MMP26: variants seen among roughly 807,000 people sequenced by gnomAD.
The protein encoded by MMP26 is matrix metallopeptidase 26.
MMP26 carries 33 observed loss-of-function variants against 31.0 expected under a neutral mutation model. The ratio of observed to expected loss-of-function variants is 1.06; its 90% CI spans 0.81 to 1.42. MMP26 has a LOEUF of 1.42. MMP26 is among the 40% of genes most tolerant of loss of function. The probability of loss-of-function intolerance (pLI) is 0.00; values close to 1 mark genes in which losing one functional copy is unlikely to be tolerated. For missense variants in MMP26, 347 were observed against 316.1 expected (o/e 1.10, Z -0.74); for synonymous variants, 122 against 114.9 (o/e 1.06, Z -0.40).
At chr11:4,882,106 A>C in intron 2 of MMP26, 1 of 1,613,932 alleles carries the variant, frequency 6.2e-7, no homozygotes, top group Non-Finnish European at 8.5e-7. Flanking sequence ...CCATGCTGGC[A>C]GCTGTTGATC....
chr11:4,944,881 A>G (rs1846270759), intron 2 of MMP26: 1 of 151,798 alleles, frequency 6.6e-6, no homozygotes, highest in South Asian at 2.1e-4. Context: ...ATATTACTGA[A>G]CTCCTCAGTG....
At chr11:4,986,935 C>CTCTCTG (rs1846904123) in intron 2 of MMP26, among the ~76,000 whole-genome samples, 1 of 112,474 alleles carries the variant, frequency 8.9e-6, no homozygotes, top group Non-Finnish European at 1.7e-5. Flanking sequence ...CTCTCTCCCT[C>CTCTCTG]TCTCTCTCTC....
chr11:4,956,695 G>A (rs1012236949), intron 2 of MMP26, among the ~76,000 whole-genome samples: 7 of 152,052 alleles, frequency 4.6e-5, no homozygotes, highest in Non-Finnish European at 7.4e-5. Flanking sequence ...CCATCTCCCC[G>A]GACCCATTAG....
chr11:4,798,431 C>G (rs1439603381), intron 2 of MMP26, among the ~76,000 whole-genome samples: 3 of 152,232 alleles, frequency 2.0e-5, no homozygotes, highest in Non-Finnish European at 4.4e-5. Context: ...CACGGGTCTA[C>G]CTACATGGCA....
At chr11:4,768,174 G>T (rs1297255408) in intron 2 of MMP26, among the ~76,000 whole-genome samples, 1 of 152,142 alleles carries the variant, frequency 6.6e-6, no homozygotes, top group Non-Finnish European at 1.5e-5. Flanking sequence ...GCAGAAAAAG[G>T]TTCAGAACAT....
intron 1 of MMP26, among the ~76,000 whole-genome samples, chr11:4,715,987 A>G (rs532412856): frequency 2.0e-5 from 3 of 152,330 alleles, no homozygotes; most frequent in African/African-American, 7.2e-5. Context: ...AGAGAGAAGA[A>G]TCTCGAAGGA....
intron 2 of MMP26, among the ~76,000 whole-genome samples, chr11:4,931,419 A>G (rs903040667): frequency 6.6e-6 from 1 of 152,068 alleles, no homozygotes; most frequent in Non-Finnish European, 1.5e-5. Context: ...CTGGAGAGTA[A>G]GCAGAAGAAG....
chr11:4,706,363 C>T (rs528093052), intron 1 of MMP26, among the ~76,000 whole-genome samples: 1 of 151,780 alleles, frequency 6.6e-6, no homozygotes, highest in African/African-American at 2.4e-5. Flanking sequence ...AGTTCAAGAC[C>T]AGCCTGGGCA....
intron 1 of MMP26, chr11:4,718,840 A>C: frequency 1.2e-5 from 2 of 161,604 alleles, no homozygotes; most frequent in Middle Eastern, 1.0e-3. Flanking sequence ...CGGCCTGTCC[A>C]TATCCACTCT....
At chr11:4,963,667 A>G (rs2133623608) in intron 2 of MMP26, among the ~76,000 whole-genome samples, 1 of 152,318 alleles carries the variant, frequency 6.6e-6, no homozygotes, top group African/African-American at 2.4e-5. Flanking sequence ...CTTTTGAAGC[A>G]TGATACAATT....
intron 2 of MMP26, among the ~76,000 whole-genome samples, chr11:4,868,701 G>A (rs928380033): frequency 6.6e-6 from 1 of 152,104 alleles, no homozygotes; most frequent in Admixed American, 6.6e-5. Context: ...TTTCTTCACA[G>A]AATTGGAAAA....
chr11:4,878,770 C>T (rs1478350537), intron 2 of MMP26, among the ~76,000 whole-genome samples: 1 of 152,112 alleles, frequency 6.6e-6, no homozygotes, highest in East Asian at 1.9e-4. Flanking sequence ...AGTCACTCAT[C>T]TTCACTGATA....
intron 1 of MMP26, among the ~76,000 whole-genome samples, chr11:4,759,095 G>A (rs1848540082): frequency 9.1e-6 from 1 of 109,890 alleles, no homozygotes; most frequent in Non-Finnish European, 1.7e-5. Flanking sequence ...TGGGCAACAA[G>A]AGTGACATTC....
At chr11:4,779,359 C>T (rs76284887) in intron 2 of MMP26, among the ~76,000 whole-genome samples, 14,406 of 151,814 alleles carry the variant, frequency 0.095, 849 homozygotes, top group Middle Eastern at 0.15. Flanking sequence ...ATACGTTGCA[C>T]GATTTTTAAA....
chr11:4,783,210 G>T lies in MMP26; in HGVS notation c.-145+15869G>T, dbSNP rs1288360264. The stretch of plus-strand genomic sequence containing the variant: ...GCCTGTGAAAGCAACCAGGTGGGAG[G>T]ATGTACCTTGTAAGGCCACAGGGGC... On this transcript the variant is annotated intron_variant, in intron 2 of 7. Coordinates refer to ENST00000380390, the MANE Select transcript of MMP26 (RefSeq NM_021801.5). Among the ~76,000 whole-genome samples, 3 of 152,332 alleles carry T rather than the reference G, an allele frequency of 2.0e-5. No individual in the cohort carries two copies. The East Asian group carries it at 5.8e-4, about 29-fold the overall frequency.
intron 2 of MMP26, among the ~76,000 whole-genome samples, chr11:4,790,989 A>G (rs1849018740): frequency 6.6e-6 from 1 of 152,216 alleles, no homozygotes; most frequent in South Asian, 2.1e-4. Flanking sequence ...GAAGTACATT[A>G]TGCTGCCTTA....
At chr11:4,823,945 G>A (rs1400621736) in intron 2 of MMP26, among the ~76,000 whole-genome samples, 1 of 152,066 alleles carries the variant, frequency 6.6e-6, no homozygotes. Flanking sequence ...ATGTTTGAGT[G>A]AACAAACTCT....
At chr11:4,729,232 A>G (rs1481893136) in intron 1 of MMP26, among the ~76,000 whole-genome samples, 1 of 152,186 alleles carries the variant, frequency 6.6e-6, no homozygotes, top group African/African-American at 2.4e-5. Flanking sequence ...GTTTAAGCAG[A>G]AAATTAGAAG....
intron 2 of MMP26, among the ~76,000 whole-genome samples, chr11:4,974,369 CA>C (rs11363104): frequency 0.24 from 36,065 of 150,166 alleles, 5,932 homozygotes; most frequent in African/African-American, 0.46. Context: ...ACATAAAATT[CA>C]AAAAAAAATA....
Sources: allele counts gnomAD v4.1 joint callset (sites outside exome capture counted in the v4.1 genomes callset), GRCh38; gene constraint gnomAD v4.1.1; transcripts MANE v1.5; gene names NCBI Gene and HGNC (gene_info 2026-07-23, HGNC 2026-07-21).